The following ACAD11 variants were observed in gnomAD, a reference collection of about 807,000 sequenced individuals.
ACAD11 encodes the protein acyl-CoA dehydrogenase family member 11, also known as acyl-Coenzyme A dehydrogenase family, member 11.
Under a neutral mutation model 102.2 loss-of-function variants are expected in ACAD11, and 83 were observed. That is an observed-to-expected ratio of 0.81 (90% CI 0.68 to 0.97). The LOEUF is 0.97. Among genes scored for constraint, ACAD11 ranks in the 50% least tolerant of loss-of-function variants. ACAD11 has a pLI of 0.00. For synonymous variants in ACAD11, 324 were observed against 319.8 expected, an observed-to-expected ratio of 1.01 and a Z score of -0.14; for missense variants, 901 against 951.7, an observed-to-expected ratio of 0.95 and a Z score of 0.70.
At chr3:132,649,090 G>C (rs967051135) in intron 1 of ACAD11, among the ~76,000 whole-genome samples, 19 of 152,360 alleles carry the variant, frequency 1.2e-4, no homozygotes, top group Middle Eastern at 3.4e-3. Flanking sequence ...AATGCACTGC[G>C]GAAAGCCGCA....
rs1939183622 is a variant in ACAD11 at position 132,612,166 on chromosome 3, A to G, written c.1414+6468T>C. Among the ~76,000 whole-genome samples, 3 of 152,078 alleles carry G rather than the reference A, an allele frequency of 2.0e-5. No homozygotes were observed. The South Asian group carries it at 6.2e-4, about 31-fold the overall frequency. ...ATAAATGGTGCTGGGAAAACTGGCTAGCCATATGTAGAAAGCTGAAACTGG... is the reference window on the plus strand; with the variant it reads ...ATAAATGGTGCTGGGAAAACTGGCTGGCCATATGTAGAAAGCTGAAACTGG... On this transcript the variant is annotated intron_variant, in intron 11 of 19. Transcript: ENST00000264990.
At chr3:132,648,044 G>A (rs1211174803) in intron 1 of ACAD11, among the ~76,000 whole-genome samples, 2 of 152,056 alleles carry the variant, frequency 1.3e-5, no homozygotes, top group African/African-American at 2.4e-5. Flanking sequence ...CATTACCTTA[G>A]GAGTAAGGAT....
At chr3:132,559,807 A>C in intron 19 of ACAD11, 26 bp downstream of exon 19, 1 of 1,586,480 alleles carries the variant, frequency 6.3e-7, no homozygotes, top group Non-Finnish European at 8.6e-7. Context: ...TCAAACGTAG[A>C]TGATTCTTAA....
intron 15 of ACAD11, among the ~76,000 whole-genome samples, chr3:132,577,218 C>T (rs1937536411): frequency 6.8e-6 from 1 of 147,512 alleles, no homozygotes; most frequent in East Asian, 1.9e-4. Context: ...AAGAGAAACC[C>T]TTTGATCCAG....
chr3:132,616,719 C>T (rs948806617), intron 11 of ACAD11, among the ~76,000 whole-genome samples: 4 of 152,112 alleles, frequency 2.6e-5, no homozygotes, highest in African/African-American at 4.8e-5. Context: ...CATTCAGTTC[C>T]CTTTCCACAA....
intron 11 of ACAD11, among the ~76,000 whole-genome samples, chr3:132,607,958 G>A (rs548291662): frequency 2.0e-5 from 3 of 152,266 alleles, no homozygotes; most frequent in Non-Finnish European, 2.9e-5. Context: ...GAGAGTGGGG[G>A]CCAATATTCA....
chr3:132,595,270 T>C (rs1174831330), intron 13 of ACAD11, among the ~76,000 whole-genome samples: 1 of 152,146 alleles, frequency 6.6e-6, no homozygotes, highest in Non-Finnish European at 1.5e-5. Context: ...CTGATAGGAT[T>C]GTGACTGGTA....
At chr3:132,637,574 G>A (rs1365871537) in intron 5 of ACAD11, among the ~76,000 whole-genome samples, 1 of 152,084 alleles carries the variant, frequency 6.6e-6, no homozygotes, top group East Asian at 1.9e-4. Context: ...TATTTTTCAA[G>A]TTGAAATGAC....
chr3:132,606,556 A>C (rs1374363532), intron 11 of ACAD11, among the ~76,000 whole-genome samples: 1 of 152,230 alleles, frequency 6.6e-6, no homozygotes, highest in African/African-American at 2.4e-5. Context: ...TTTCCCATTA[A>C]AAAATATCAG....
intron 4 of ACAD11, among the ~76,000 whole-genome samples, chr3:132,641,590 A>G (rs531683005): frequency 3.3e-5 from 5 of 150,108 alleles, no homozygotes; most frequent in African/African-American, 1.2e-4. Context: ...AAGAAGAAGA[A>G]GAAGAAGAAG....
At chr3:132,642,649 A>C (rs1210472031) in intron 3 of ACAD11, 28 bp downstream of exon 3, 2 of 1,569,602 alleles carry the variant, frequency 1.3e-6, no homozygotes, top group Non-Finnish European at 1.7e-6. Flanking sequence ...AAGTAAAAGC[A>C]ACAAAATAAG....
intron 4 of ACAD11, among the ~76,000 whole-genome samples, chr3:132,640,508 C>T (rs1940451324): frequency 2.0e-5 from 3 of 152,184 alleles, no homozygotes; most frequent in South Asian, 4.1e-4. Context: ...TCAACTTACT[C>T]GTAAAGTCCT....
At chr3:132,598,408 T>C (rs542596992) in intron 13 of ACAD11, among the ~76,000 whole-genome samples, 1 of 152,330 alleles carries the variant, frequency 6.6e-6, no homozygotes, top group East Asian at 1.9e-4. Context: ...AGCTTTAATT[T>C]GACAAATATT....
chr3:132,655,093 A>G (rs1937711220), intron 1 of ACAD11, among the ~76,000 whole-genome samples: 1 of 152,234 alleles, frequency 6.6e-6, no homozygotes, highest in Non-Finnish European at 1.5e-5. Flanking sequence ...TAATGGGACC[A>G]CTGCCGTATA....
At chr3:132,611,512 C>A (rs1032603353) in intron 11 of ACAD11, among the ~76,000 whole-genome samples, 3 of 152,150 alleles carry the variant, frequency 2.0e-5, no homozygotes, top group Non-Finnish European at 4.4e-5. Flanking sequence ...AGCTGATAAG[C>A]CGCTTCAGCA....
At chr3:132,626,850 CAAAGA>C (rs768415489) in intron 8 of ACAD11, 33 bp from the exon 9 acceptor site, 37 of 1,581,808 alleles carry the variant, frequency 2.3e-5, no homozygotes, top group Admixed American at 3.7e-5. Flanking sequence ...AAAAAGGTTA[CAAAGA>C]TGTCCAAAGA....
intron 6 of ACAD11, among the ~76,000 whole-genome samples, 155 bp from the exon 7 acceptor site, chr3:132,630,713 T>C (rs1157206853): frequency 6.6e-6 from 1 of 152,212 alleles, no homozygotes; most frequent in Non-Finnish European, 1.5e-5. Context: ...AAAAGATTAT[T>C]ATATACAAAG....
chr3:132,631,994 T>C (rs1940059165), intron 5 of ACAD11, among the ~76,000 whole-genome samples: 1 of 152,024 alleles, frequency 6.6e-6, no homozygotes, highest in African/African-American at 2.4e-5. Flanking sequence ...TATAGCAACA[T>C]AAAACAATCA....
intron 8 of ACAD11, among the ~76,000 whole-genome samples, chr3:132,627,408 A>G (rs1361746972): frequency 6.6e-6 from 1 of 152,222 alleles, no homozygotes; most frequent in East Asian, 1.9e-4. Context: ...ATCCCGCTTC[A>G]TTAGTTTTGA....
Sources: allele counts gnomAD v4.1 joint callset (sites outside exome capture counted in the v4.1 genomes callset), GRCh38; gene constraint gnomAD v4.1.1; transcripts MANE v1.5; gene names NCBI Gene and HGNC (gene_info 2026-07-23, HGNC 2026-07-21).